Variants in UNC13B observed in about 807,000 individuals in gnomAD.
UNC13B encodes unc-13 homolog B, also known as protein unc-13 homolog B.
In UNC13B, 144 loss-of-function variants were observed where a neutral mutation model predicts 211.0. The observed-to-expected ratio is 0.68, with a 90% confidence interval of 0.60 to 0.78. The LOEUF (loss-of-function observed/expected upper bound fraction) is 0.78, where lower values mean the gene tolerates loss of function less well. Ranked by LOEUF, UNC13B falls within the 30% of genes least tolerant of loss-of-function variation. UNC13B has a pLI of 0.00. For synonymous variants in UNC13B, 709 were observed against 725.8 expected (o/e 0.98, Z 0.37); for missense variants, 1,777 against 2,002.0 (o/e 0.89, Z 2.14).
intron 5 of UNC13B, among the ~76,000 whole-genome samples, chr9:35,241,592 CA>C (rs748983156): frequency 0.12 from 16,998 of 141,120 alleles, 1,145 homozygotes; most frequent in Admixed American, 0.23. Flanking sequence ...CACACACACA[CA>C]CACCACCATC....
At chr9:35,316,813 G>C (rs1830482182) in intron 11 of UNC13B, among the ~76,000 whole-genome samples, 3 of 152,000 alleles carry the variant, frequency 2.0e-5, no homozygotes, top group South Asian at 2.1e-4. Flanking sequence ...TTTTTCGGCT[G>C]TGACAGCTAT....
intron 1 of UNC13B, among the ~76,000 whole-genome samples, chr9:35,225,475 T>C (rs1244433148): frequency 1.3e-5 from 2 of 152,210 alleles, no homozygotes; most frequent in Non-Finnish European, 2.9e-5. Flanking sequence ...TTTCTTCTTA[T>C]ATTGATATTT....
intron 6 of UNC13B, among the ~76,000 whole-genome samples, chr9:35,255,063 A>C (rs1178191331): frequency 1.8e-5 from 2 of 113,208 alleles, no homozygotes; most frequent in Non-Finnish European, 3.6e-5. Context: ...AATATATATT[A>C]TGTATAATAT....
intron 7 of UNC13B, among the ~76,000 whole-genome samples, chr9:35,286,845 A>G (rs781703605): frequency 2.0e-5 from 3 of 152,130 alleles, no homozygotes; most frequent in Non-Finnish European, 4.4e-5. Flanking sequence ...CACAGGGCAG[A>G]AGCTCCTGTG....
chr9:35,375,053 C>T, intron 13 of UNC13B, 74 bp from the exon 14 acceptor site: 1 of 1,508,468 alleles, frequency 6.6e-7, no homozygotes, highest in Non-Finnish European at 9.2e-7. Flanking sequence ...TGGCTTTGGT[C>T]ACTGAAGCTC....
intron 3 of UNC13B, among the ~76,000 whole-genome samples, chr9:35,234,236 C>T (rs778566470): frequency 1.3e-5 from 2 of 152,162 alleles, no homozygotes; most frequent in Non-Finnish European, 2.9e-5. Flanking sequence ...CTGCCTCAGC[C>T]TCCTGAGTAA....
intron 23 of UNC13B, 81 bp from the exon 24 acceptor site, chr9:35,386,084 G>A: frequency 6.3e-7 from 1 of 1,580,722 alleles, no homozygotes; most frequent in Non-Finnish European, 8.6e-7. Context: ...AGAATCTAGA[G>A]TAGGTTTGGG....
At chr9:35,355,181 A>G (rs905623688) in intron 11 of UNC13B, among the ~76,000 whole-genome samples, 9 of 152,336 alleles carry the variant, frequency 5.9e-5, no homozygotes, top group East Asian at 5.8e-4. Context: ...CATTTGTATA[A>G]AAAGAGGGAA....
chr9:35,323,529 C>T (rs1830849070), intron 11 of UNC13B, among the ~76,000 whole-genome samples: 1 of 152,166 alleles, frequency 6.6e-6, no homozygotes, highest in South Asian at 2.1e-4. Flanking sequence ...GCTTCACAAA[C>T]CAGAGTGACC....
At chr9:35,225,367 C>T (rs1824777065) in intron 1 of UNC13B, among the ~76,000 whole-genome samples, 1 of 152,168 alleles carries the variant, frequency 6.6e-6, no homozygotes, top group Admixed American at 6.5e-5. Context: ...CCCATGTTGG[C>T]CAAGCTGGTC....
chr9:35,296,028 G>C, intron 8 of UNC13B, 98 bp downstream of exon 8: 1 of 1,152,712 alleles, frequency 8.7e-7, no homozygotes, highest in Non-Finnish European at 1.2e-6. Context: ...AAGAGGTAGC[G>C]TAAGTGTAGC....
At chr9:35,201,045 C>A (rs142152791) in intron 1 of UNC13B, among the ~76,000 whole-genome samples, 17 of 151,960 alleles carry the variant, frequency 1.1e-4, no homozygotes, top group Admixed American at 3.9e-4. Context: ...TTTAGCATGA[C>A]GGGCTGTTGA....
intron 11 of UNC13B, among the ~76,000 whole-genome samples, chr9:35,314,441 C>CA (rs1183990862): frequency 2.0e-5 from 3 of 151,864 alleles, no homozygotes; most frequent in Non-Finnish European, 2.9e-5. Flanking sequence ...GAAACAACGT[C>CA]AAAAAAATGT....
chr9:35,319,402 C>CA lies in UNC13B; in HGVS notation c.9414+5447dup, dbSNP rs74176715. Among the ~76,000 whole-genome samples the CA allele has an allele frequency of 9.1e-3, 510 of 56,190 alleles. 9 individuals are homozygous for CA. Among genetic ancestry groups the CA allele is most frequent in the African/African-American group, 0.019 (226 of 11,900 alleles). 36.9% of individuals were successfully genotyped at this position (56,190 alleles called of 152,430 possible). On this transcript the variant is annotated intron_variant, in intron 11 of 39. Transcript: ENST00000635942. Reference sequence around the variant, plus strand: ...TAGGTGACAGAGTGAGACCCTATCTCAAAAAAAAAAAAAAAAAAAAAAAAA... The same window carrying CA: ...TAGGTGACAGAGTGAGACCCTATCTCAAAAAAAAAAAAAAAAAAAAAAAAAA...
intron 7 of UNC13B, among the ~76,000 whole-genome samples, chr9:35,274,769 C>T (rs1172333941): frequency 6.6e-6 from 1 of 152,164 alleles, no homozygotes; most frequent in Non-Finnish European, 1.5e-5. Context: ...ATGCTGTTCA[C>T]TTAAATTCAG....
intron 11 of UNC13B, among the ~76,000 whole-genome samples, chr9:35,326,303 G>C (rs913174589): frequency 2.6e-5 from 4 of 152,076 alleles, no homozygotes; most frequent in African/African-American, 9.7e-5. Flanking sequence ...AAACATAGGG[G>C]ATACATTCCC....
intron 15 of UNC13B, among the ~76,000 whole-genome samples, chr9:35,376,980 C>G (rs929009304): frequency 2.0e-5 from 3 of 152,182 alleles, no homozygotes; most frequent in Non-Finnish European, 4.4e-5. Flanking sequence ...TTCCTGCCCT[C>G]CAGACCTCCC....
At chr9:35,402,097 G>A (rs879082087) in intron 37 of UNC13B, 4 of 1,263,308 alleles carry the variant, frequency 3.2e-6, no homozygotes, top group Admixed American at 2.0e-5. Flanking sequence ...GGGGGTGGGG[G>A]AACAAGCTGT....
chr9:35,223,908 A>T (rs1403938784), intron 1 of UNC13B, among the ~76,000 whole-genome samples: 1 of 152,160 alleles, frequency 6.6e-6, no homozygotes, highest in Non-Finnish European at 1.5e-5. Flanking sequence ...TGAAGATATT[A>T]TACTTTCCTC....
Sources: allele counts gnomAD v4.1 joint callset (sites outside exome capture counted in the v4.1 genomes callset), GRCh38; gene constraint gnomAD v4.1.1; transcripts MANE v1.5; gene names NCBI Gene and HGNC (gene_info 2026-07-23, HGNC 2026-07-21).